Variants in FXYD7 observed in about 807,000 individuals in gnomAD.
The protein encoded by FXYD7 is FXYD domain-containing ion transport regulator 7.
Under a neutral mutation model 15.3 loss-of-function variants are expected in FXYD7, and 7 were observed. That is an observed-to-expected ratio of 0.46 (90% CI 0.26 to 0.86). The LOEUF (loss-of-function observed/expected upper bound fraction) is 0.86, where lower values mean the gene tolerates loss of function less well. Among genes scored for constraint, FXYD7 ranks in the 40% least tolerant of loss-of-function variants. The probability of loss-of-function intolerance (pLI) is 0.16; values close to 1 mark genes in which losing one functional copy is unlikely to be tolerated. For synonymous variants in FXYD7, 39 were observed against 39.3 expected, an observed-to-expected ratio of 0.99 and a Z score of 0.03; for missense variants, 78 against 100.6, an observed-to-expected ratio of 0.78 and a Z score of 0.96.
Position 35,153,990 on chromosome 19 carries a change from G to A in FXYD7, c.*74G>A, listed in dbSNP as rs1174080659. 1.4e-6 allele frequency: 2 copies of A among 1,460,364 alleles called. No homozygotes were observed. The highest frequency in any genetic ancestry group is 3.5e-5 in the Admixed American group (2 of 57,626). The allele number at this position is 1,460,364 out of a possible 1,614,324, so 90.5% of individuals were successfully genotyped here. A position where few individuals can be genotyped will look rare whatever the true frequency, so the allele number is the denominator to read the frequency against. On this transcript the variant is annotated 3_prime_UTR_variant, in exon 6 of 6. Coordinates refer to ENST00000270310, the MANE Select transcript of FXYD7 (RefSeq NM_022006.2). ...CTGAGGACCGGGTGGAGGCGGTGGG[G>A]ACCCAGCCGCGCGCCGGGAGCGCTC...
At chr19:35,148,087 G>GAAAGAAAGAA (rs1348551692) in intron 1 of FXYD7, among the ~76,000 whole-genome samples, 5 of 124,026 alleles carry the variant, frequency 4.0e-5, no homozygotes, top group African/African-American at 1.5e-4. Context: ...AAGAAAGAAA[G>GAAAGAAAGAA]AAAGAAAGAG....
intron 2 of FXYD7, among the ~76,000 whole-genome samples, 177 bp from the exon 3 acceptor site, chr19:35,151,077 G>A (rs2065307930): frequency 6.6e-6 from 1 of 151,940 alleles, no homozygotes; most frequent in Non-Finnish European, 1.5e-5. Flanking sequence ...GGGAGCTAAC[G>A]GTGCCCAAGC....
At chr19:35,144,649 G>A (rs571004601) in intron 1 of FXYD7, among the ~76,000 whole-genome samples, 6 of 146,858 alleles carry the variant, frequency 4.1e-5, no homozygotes, top group Non-Finnish European at 6.1e-5. Context: ...GGCGGGGGGT[G>A]GGGGGGGCTG....
chr19:35,152,570 G>C (rs1432984731), intron 5 of FXYD7, among the ~76,000 whole-genome samples: 1 of 152,112 alleles, frequency 6.6e-6, no homozygotes, highest in Non-Finnish European at 1.5e-5. Context: ...CATTGGAAAA[G>C]AACATATGGG....
In FXYD7 at chr19:35,153,424, A is replaced by G. The variant is rs376945132; in HGVS notation, c.221-470A>G. 8.5e-5 allele frequency among the ~76,000 whole-genome samples: 13 copies of G among 152,282 alleles called. No homozygotes were observed. In the South Asian group the frequency reaches 2.7e-3, roughly 32 times the overall value. On this transcript the variant is annotated intron_variant, in intron 5 of 5. Coordinates refer to ENST00000270310, the MANE Select transcript of FXYD7 (RefSeq NM_022006.2). ...GGCACTTATGGATGCGTGGGGCAGC[A>G]TGGGGGTTGGCCTTGTCACCTGGGG...
chr19:35,148,079 G>GAA (rs1184170494), intron 1 of FXYD7, among the ~76,000 whole-genome samples: 4 of 124,014 alleles, frequency 3.2e-5, no homozygotes, highest in Non-Finnish European at 6.6e-5. Flanking sequence ...AAGAAAGAAA[G>GAA]AAAGAAAGAA....
intron 2 of FXYD7, chr19:35,149,377 C>T (rs759716257): frequency 3.3e-5 from 9 of 276,144 alleles, no homozygotes; most frequent in Non-Finnish European, 5.1e-5. Flanking sequence ...CCTTTGTACA[C>T]GACCGGCTAA....
In FXYD7 at chr19:35,154,056, C is replaced by T; in HGVS notation, c.*140C>T. The T allele has an allele frequency of 1.4e-6, 1 of 709,888 alleles. No individual in the cohort carries two copies. 44.0% of individuals were successfully genotyped at this position (709,888 alleles called of 1,614,324 possible). On this transcript the variant is annotated 3_prime_UTR_variant, in exon 6 of 6. Transcript: ENST00000270310. Reference sequence around the variant, plus strand: ...CCCACCCACCCCAAGGCTGGAGCCGCTGCACCCTGCTGTCCCTCTCCAGGC... The same window carrying T: ...CCCACCCACCCCAAGGCTGGAGCCGTTGCACCCTGCTGTCCCTCTCCAGGC...
chr19:35,151,309 G>A lies in FXYD7; in HGVS notation c.117G>A (p.Leu39=). The change falls in exon 3 of 6, where the codon CTG becomes CTA. Residue 39 remains leucine (L), a synonymous_variant. Transcript: ENST00000270310. ...GMTLATILFL[L]GILIVISKKV... The stretch of plus-strand genomic sequence containing the variant: ...CTCTGGCAACCATCTTGTTCCTGCT[G>A]GGTATCCTCATCGTCATCAGTAAGT... 1 of 1,609,274 alleles carries A rather than the reference G, an allele frequency of 6.2e-7. No individual in the cohort carries two copies. Among genetic ancestry groups the A allele is most frequent in the Non-Finnish European group, 8.5e-7 (1 of 1,175,624 alleles).
In FXYD7 at chr19:35,143,396, G is replaced by T; in HGVS notation, c.31+32G>T. On this transcript the variant is annotated intron_variant, in intron 1 of 5. Transcript: ENST00000270310. This position sits in a 1 kb window ranked among gnomAD's most constrained non-coding sequence, Gnocchi z 4.3. ...GTCGTTTGGGGAGGGGGTTGCAGGG[G>T]GGCTCCGGGATCTGAGAGCCTAGGA... The T allele has an allele frequency of 6.7e-7, 1 of 1,484,178 alleles. No homozygotes were observed. Among genetic ancestry groups the T allele is most frequent in the African/African-American group, 1.5e-5 (1 of 67,996 alleles). The allele number at this position is 1,484,178 out of a possible 1,614,324, so 91.9% of individuals were successfully genotyped here.
chr19:35,152,792 T>A (rs931038863), intron 5 of FXYD7, among the ~76,000 whole-genome samples: 1 of 151,912 alleles, frequency 6.6e-6, no homozygotes, highest in Non-Finnish European at 1.5e-5. Flanking sequence ...AGGGCAAGCA[T>A]GTCAACGAAA....
At chr19:35,152,265 C>T (rs995137914) in intron 5 of FXYD7, among the ~76,000 whole-genome samples, 3 of 149,506 alleles carry the variant, frequency 2.0e-5, no homozygotes, top group African/African-American at 7.5e-5. Context: ...CACAGAGATT[C>T]CCAGAAACAA....
intron 5 of FXYD7, among the ~76,000 whole-genome samples, chr19:35,153,425 T>C (rs2065323728): frequency 6.6e-6 from 1 of 152,152 alleles, no homozygotes; most frequent in Non-Finnish European, 1.5e-5. Flanking sequence ...TGGGGCAGCA[T>C]GGGGGTTGGC....
At chr19:35,152,695 G>A (rs2065315830) in intron 5 of FXYD7, among the ~76,000 whole-genome samples, 1 of 151,700 alleles carries the variant, frequency 6.6e-6, no homozygotes, top group Non-Finnish European at 1.5e-5. Context: ...AGGAAGGGGA[G>A]GAGGATGGGA....
intron 1 of FXYD7, among the ~76,000 whole-genome samples, chr19:35,144,285 G>A (rs2065280475): frequency 1.3e-5 from 2 of 152,086 alleles, no homozygotes; most frequent in South Asian, 4.1e-4. Flanking sequence ...AATCCCAGAG[G>A]TGCTGTTGGG....
chr19:35,151,792 G>A (rs2065311525), intron 5 of FXYD7, 119 bp downstream of exon 5: 1 of 770,784 alleles, frequency 1.3e-6, no homozygotes, highest in African/African-American at 1.7e-5. Context: ...GGTGGTGCCT[G>A]CAGATATCAC....
chr19:35,153,033 C>CTTTGTTTTTTTTTTTTTTTTTTTT lies in FXYD7; in HGVS notation c.221-858_221-857insGTTTTTTTTTTTTTTTTTTTTTTT, dbSNP rs1555737607. On this transcript the variant is annotated intron_variant, in intron 5 of 5. Transcript: ENST00000270310. The stretch of plus-strand genomic sequence containing the variant: ...TTGGTGTGGAATTTGTTTCACGTTC[C>CTTTGTTTTTTTTTTTTTTTTTTTT]TTTTTTTTTTTTTTTTTTTTTTTTT... Among the ~76,000 whole-genome samples, 145 of 44,140 alleles carry CTTTGTTTTTTTTTTTTTTTTTTTT rather than the reference C, an allele frequency of 3.3e-3. 27 individuals carry two copies. Among genetic ancestry groups the CTTTGTTTTTTTTTTTTTTTTTTTT allele is most frequent in the African/African-American group, 3.9e-3 (38 of 9,630 alleles). The allele number at this position is 44,140 out of a possible 152,430, so 29.0% of individuals were successfully genotyped here.
chr19:35,147,810 A>G (rs560394845), intron 1 of FXYD7, among the ~76,000 whole-genome samples: 2 of 152,050 alleles, frequency 1.3e-5, no homozygotes, highest in Admixed American at 6.6e-5. Flanking sequence ...CCCAGCCAAC[A>G]TGGTGAAATC....
chr19:35,143,374 G>T lies in FXYD7; in HGVS notation c.31+10G>T, dbSNP rs1328696766. 6.6e-7 allele frequency: 1 copy of T among 1,510,804 alleles called. No homozygotes were observed. Among genetic ancestry groups the T allele is most frequent in the Admixed American group, 2.3e-5 (1 of 42,702 alleles). The allele number at this position is 1,510,804 out of a possible 1,614,324, so 93.6% of individuals were successfully genotyped here. A position where few individuals can be genotyped will look rare whatever the true frequency, so the allele number is the denominator to read the frequency against. ...CAGACCCCCACAAAGGGTGAGCGTC[G>T]TTTGGGGAGGGGGTTGCAGGGGGGC... On this transcript the variant is annotated intron_variant, in intron 1 of 5. Coordinates refer to ENST00000270310, the MANE Select transcript of FXYD7 (RefSeq NM_022006.2). The surrounding 1 kb of genome is among the most constrained non-coding windows in gnomAD (Gnocchi z 4.3).
Sources: gnomAD v4.1 joint callset for allele counts (sites outside exome capture counted in the v4.1 genomes callset) on GRCh38, gnomAD v4.1.1 for gene constraint, Gnocchi (gnomAD v3.1) non-coding constraint, MANE v1.5 for transcripts, NCBI Gene and HGNC (gene_info 2026-07-23, HGNC 2026-07-21) for gene names.